The following LEP variants were observed in gnomAD, a reference collection of about 807,000 sequenced individuals.
LEP encodes the protein leptin (murine obesity homolog).
LEP carries 6 observed loss-of-function variants against 9.8 expected under a neutral mutation model. The ratio of observed to expected loss-of-function variants is 0.61; its 90% CI spans 0.34 to 1.21. LEP has a LOEUF of 1.21. Among genes scored for constraint, LEP ranks in the 50% most tolerant of loss-of-function variants. The probability of loss-of-function intolerance (pLI) is 0.04; values close to 1 mark genes in which losing one functional copy is unlikely to be tolerated. For synonymous variants in LEP, 112 were observed against 81.7 expected (o/e 1.37, Z -2.00); for missense variants, 134 against 198.1 (o/e 0.68, Z 1.94).
intron 1 of LEP, among the ~76,000 whole-genome samples, chr7:128,250,030 A>G (rs1211027993): frequency 6.6e-6 from 1 of 152,190 alleles, no homozygotes; most frequent in Non-Finnish European, 1.5e-5. Flanking sequence ...CTATGACCAC[A>G]GTTAATCTGG....
chr7:128,241,859 G>A (rs1037159847), intron 1 of LEP, among the ~76,000 whole-genome samples: 5 of 152,236 alleles, frequency 3.3e-5, no homozygotes, highest in African/African-American at 1.2e-4. Flanking sequence ...GGAAACAAGT[G>A]TCAGGAAGAC....
intron 2 of LEP, among the ~76,000 whole-genome samples, chr7:128,253,615 T>C (rs1293411593): frequency 6.6e-6 from 1 of 152,174 alleles, no homozygotes; most frequent in Non-Finnish European, 1.5e-5. Flanking sequence ...CTCCTGGTCA[T>C]TGTGGGTGTC....
chr7:128,253,763 A>G (rs1250553273), intron 2 of LEP, among the ~76,000 whole-genome samples: 1 of 152,266 alleles, frequency 6.6e-6, no homozygotes, highest in East Asian at 1.9e-4. Context: ...TTAGCTGGGC[A>G]TATTAGCCAC....
chr7:128,252,650 G>A (rs1795289157), intron 2 of LEP, among the ~76,000 whole-genome samples: 1 of 152,110 alleles, frequency 6.6e-6, no homozygotes, highest in Admixed American at 6.5e-5. Flanking sequence ...AGGATCACCT[G>A]AGCCTGGGAG....
At chr7:128,246,952 T>A (rs1464246072) in intron 1 of LEP, among the ~76,000 whole-genome samples, 1 of 151,962 alleles carries the variant, frequency 6.6e-6, no homozygotes, top group African/African-American at 2.4e-5. Context: ...GACAGCAGAG[T>A]GCAGGCTGCG....
At position 128,254,812 on chromosome 7, in the gene LEP, T is replaced by C; in HGVS notation, c.*49T>C. Reference sequence around the variant, plus strand: ...CAAGGACTACGTTAAGGGAAGGAACTCTGGCTTCCAGGTATCTCCAGGATT... The same window carrying C: ...CAAGGACTACGTTAAGGGAAGGAACCCTGGCTTCCAGGTATCTCCAGGATT... On this transcript the variant is annotated 3_prime_UTR_variant, in exon 3 of 3. Transcript: ENST00000308868. The C allele has an allele frequency of 6.3e-7, 1 of 1,591,438 alleles. No individual in the cohort carries two copies. The highest frequency in any genetic ancestry group is 8.5e-7 in the Non-Finnish European group (1 of 1,174,006).
At chr7:128,247,766 C>T (rs2116213397) in intron 1 of LEP, among the ~76,000 whole-genome samples, 1 of 152,276 alleles carries the variant, frequency 6.6e-6, no homozygotes, top group Non-Finnish European at 1.5e-5. Flanking sequence ...ACTTTACATG[C>T]TTTATCTCAT....
At chr7:128,245,529 G>A (rs1037253248) in intron 1 of LEP, among the ~76,000 whole-genome samples, 3 of 152,184 alleles carry the variant, frequency 2.0e-5, no homozygotes, top group Non-Finnish European at 4.4e-5. Context: ...GAGTTATGAA[G>A]AAAGGAAGGA....
In LEP at chr7:128,254,614, T is replaced by G; in HGVS notation, c.355T>G (p.Leu119Val). 1 of 1,614,184 alleles carries G rather than the reference T, an allele frequency of 6.2e-7. No homozygotes were observed. Among genetic ancestry groups the G allele is most frequent in the Non-Finnish European group, 8.5e-7 (1 of 1,180,026 alleles). ...HVLAFSKSCH[L>V]PWASGLETLD... is the part of the protein sequence containing the mutation. Reference sequence around the variant, plus strand: ...GCTGGCCTTCTCTAAGAGCTGCCACTTGCCCTGGGCCAGTGGCCTGGAGAC... The same window carrying G: ...GCTGGCCTTCTCTAAGAGCTGCCACGTGCCCTGGGCCAGTGGCCTGGAGAC... The change falls in exon 3 of 3, where the codon TTG becomes GTG. Residue 119 changes from leucine (L) to valine (V), a missense_variant. Leu to Val is a conservative substitution (Grantham distance 32). Coordinates refer to ENST00000308868, the MANE Select transcript of LEP (RefSeq NM_000230.3).
chr7:128,254,568 C>A lies in LEP; in HGVS notation c.309C>A (p.Asn103Lys), dbSNP rs28954113. ...TCCAAATATCCAACGACCTGGAGAA[C>A]CTCCGGGATCTTCTTCACGTGCTGG... ...NVIQISNDLE[N>K]LRDLLHVLAF... is the part of the protein sequence containing the mutation. The change falls in exon 3 of 3, where the codon AAC becomes AAA. Residue 103 changes from asparagine to lysine, a missense_variant. Coordinates refer to ENST00000308868, the MANE Select transcript of LEP (RefSeq NM_000230.3). 67 of 1,613,982 alleles carry A rather than the reference C, an allele frequency of 4.2e-5. No individual in the cohort carries two copies. The highest frequency in any genetic ancestry group is 5.5e-5 in the Non-Finnish European group (65 of 1,179,958).
chr7:128,254,288 G>A (rs28954110), intron 2 of LEP, 116 bp from the exon 3 acceptor site: 1 of 1,350,144 alleles, frequency 7.4e-7, no homozygotes. Context: ...TGGTGAGGGA[G>A]GGTGGAAGGA....
intron 1 of LEP, among the ~76,000 whole-genome samples, chr7:128,250,325 G>C (rs149911234): frequency 1.2e-3 from 178 of 152,310 alleles, no homozygotes; most frequent in African/African-American, 4.0e-3. Context: ...TTGGTACATA[G>C]TACTTTTCAT....
intron 1 of LEP, among the ~76,000 whole-genome samples, chr7:128,246,773 G>A (rs549493873): frequency 2.0e-5 from 3 of 152,070 alleles, no homozygotes; most frequent in Non-Finnish European, 4.4e-5. Context: ...CATTTCATCT[G>A]TGCAGCTCCA....
chr7:128,243,012 A>C (rs1795169692), intron 1 of LEP, among the ~76,000 whole-genome samples: 1 of 152,226 alleles, frequency 6.6e-6, no homozygotes, highest in African/African-American at 2.4e-5. Flanking sequence ...CAGTTACCCC[A>C]TCCCCACCGG....
intron 1 of LEP, among the ~76,000 whole-genome samples, chr7:128,243,682 C>T (rs1795177756): frequency 6.6e-6 from 1 of 152,112 alleles, no homozygotes; most frequent in Non-Finnish European, 1.5e-5. Flanking sequence ...CCTGCTGGGC[C>T]AAAGTGAATT....
At chr7:128,253,659 G>A (rs1584607226) in intron 2 of LEP, among the ~76,000 whole-genome samples, 1 of 152,262 alleles carries the variant, frequency 6.6e-6, no homozygotes, top group East Asian at 1.9e-4. Context: ...GGAGAAGTTA[G>A]GTGTCTGGAA....
intron 1 of LEP, among the ~76,000 whole-genome samples, chr7:128,247,301 C>T (rs557606019): frequency 4.6e-4 from 70 of 152,230 alleles, no homozygotes; most frequent in Middle Eastern, 3.4e-3. Context: ...CAATTCCAAG[C>T]GGCAGCTGGG....
At chr7:128,247,728 T>C (rs1490066852) in intron 1 of LEP, among the ~76,000 whole-genome samples, 1 of 152,172 alleles carries the variant, frequency 6.6e-6, no homozygotes, top group Admixed American at 6.5e-5. Flanking sequence ...GGCATTGGGG[T>C]TGGCTACGTG....
At chr7:128,244,176 G>A (rs1282576918) in intron 1 of LEP, among the ~76,000 whole-genome samples, 5 of 151,892 alleles carry the variant, frequency 3.3e-5, no homozygotes, top group African/African-American at 9.7e-5. Context: ...GCTTGAGCCC[G>A]GGAAGTCGGG....
Sources: allele counts gnomAD v4.1 joint callset (sites outside exome capture counted in the v4.1 genomes callset), GRCh38; gene constraint gnomAD v4.1.1; transcripts MANE v1.5; gene names NCBI Gene and HGNC (gene_info 2026-07-23, HGNC 2026-07-21).